The following ITSN1 variants were observed in gnomAD, a reference collection of about 807,000 sequenced individuals.
ITSN1 encodes the protein intersectin 1, also known as intersectin-1.
ITSN1 carries 58 observed loss-of-function variants against 239.8 expected under a neutral mutation model. The ratio of observed to expected loss-of-function variants is 0.24; its 90% CI spans 0.20 to 0.30. ITSN1 has a LOEUF of 0.30. ITSN1 is among the 10% of genes least tolerant of loss of function. The probability of loss-of-function intolerance (pLI) is 1.00; values close to 1 mark genes in which losing one functional copy is unlikely to be tolerated. For synonymous variants in ITSN1, 780 were observed against 770.8 expected (o/e 1.01, Z -0.20); for missense variants, 1,558 against 2,103.3 (o/e 0.74, Z 5.07).
At chr21:33,829,397 T>A in intron 26 of ITSN1, 1 of 543,060 alleles carries the variant, frequency 1.8e-6, no homozygotes, top group Non-Finnish European at 3.3e-6. Flanking sequence ...CAAGGGAGTC[T>A]GCAGCCCACT....
intron 36 of ITSN1, 118 bp from the exon 37 acceptor site, chr21:33,884,923 C>G (rs1214112300): frequency 1.4e-6 from 1 of 716,404 alleles, no homozygotes; most frequent in Non-Finnish European, 2.4e-6. Flanking sequence ...CTTTCCCGAG[C>G]CTTTGTTGTT....
At chr21:33,801,070 C>T (rs1315620170) in intron 19 of ITSN1, among the ~76,000 whole-genome samples, 8 of 151,534 alleles carry the variant, frequency 5.3e-5, no homozygotes, top group Admixed American at 5.3e-4. Context: ...AGGGTTTCTC[C>T]GTGTTGCCCA....
At chr21:33,876,149 CTT>C (rs202211741) in intron 34 of ITSN1, among the ~76,000 whole-genome samples, 5,635 of 26,504 alleles carry the variant, frequency 0.21, 242 homozygotes, top group African/African-American at 0.4. Context: ...TTCTTTCTTT[CTT>C]TCTCTCTCTC....
intron 27 of ITSN1, among the ~76,000 whole-genome samples, chr21:33,831,284 G>C (rs537084162): frequency 6.6e-6 from 1 of 152,188 alleles, no homozygotes; most frequent in Non-Finnish European, 1.5e-5. Context: ...TCCAGCAGCC[G>C]TCCGTCTCTC....
chr21:33,730,703 TTTTTTG>T (rs2066128135), intron 4 of ITSN1, among the ~76,000 whole-genome samples: 1 of 136,910 alleles, frequency 7.3e-6, no homozygotes, highest in Non-Finnish European at 1.6e-5. Context: ...CCCAGCCTGT[TTTTTTG>T]TTTTTGTTTT....
Position 33,794,328 on chromosome 21 carries a change from C to A in ITSN1, c.1825-13C>A. On this transcript the variant is annotated splice_polypyrimidine_tract_variant and intron_variant, in intron 16 of 39. Coordinates refer to ENST00000381318, the MANE Select transcript of ITSN1 (RefSeq NM_003024.3). ...TCATGTCGCTACATGAACTGTTTCT[C>A]GGTTAATTATAGGAACTAAGAGAAA... 6.3e-7 allele frequency: 1 copy of A among 1,599,126 alleles called. No homozygotes were observed. The highest frequency in any genetic ancestry group is 1.1e-5 in the South Asian group (1 of 89,144).
At chr21:33,863,079 C>T (rs1427072142) in intron 31 of ITSN1, among the ~76,000 whole-genome samples, 2 of 152,196 alleles carry the variant, frequency 1.3e-5, no homozygotes, top group East Asian at 1.9e-4. Context: ...CTGCAGCAGC[C>T]GAGTCACATG....
chr21:33,717,244 T>C (rs573904667), intron 1 of ITSN1, among the ~76,000 whole-genome samples: 1 of 152,022 alleles, frequency 6.6e-6, no homozygotes, highest in Admixed American at 6.6e-5. Flanking sequence ...TTGCTCAGGC[T>C]GGAGTACAGT....
Position 33,882,561 on chromosome 21 carries a change from C to A in ITSN1, c.4554+106C>A. 1.1e-6 allele frequency: 1 copy of A among 894,392 alleles called. No individual in the cohort carries two copies. Among genetic ancestry groups the A allele is most frequent in the African/African-American group, 1.7e-5 (1 of 59,590 alleles). The allele number at this position is 894,392 out of a possible 1,614,324, so 55.4% of individuals were successfully genotyped here. ...TAGCAGGGTCAGGGGCTGTGGCATGCAGGAGAAGGCCAGGAGTTGAAATGC... is the reference window on the plus strand; with the variant it reads ...TAGCAGGGTCAGGGGCTGTGGCATGAAGGAGAAGGCCAGGAGTTGAAATGC... On this transcript the variant is annotated intron_variant, in intron 35 of 39. Coordinates refer to ENST00000381318, the MANE Select transcript of ITSN1 (RefSeq NM_003024.3). This position sits in a 1 kb window ranked among gnomAD's most constrained non-coding sequence, Gnocchi z 4.5.
rs115763810 is a variant in ITSN1 at position 33,711,174 on chromosome 21, T to C, written c.-32-7623T>C. Among the ~76,000 whole-genome samples the C allele has an allele frequency of 1.7e-3, 265 of 152,270 alleles. 2 individuals are homozygous for C. Among genetic ancestry groups the C allele is most frequent in the African/African-American group, 6.1e-3 (255 of 41,560 alleles). On this transcript the variant is annotated intron_variant, in intron 1 of 39. Transcript: ENST00000381318. ...TAAGCTTTATTTTCCAAGAAATTTG[T>C]TTCTTTTATCTACACTGTCAAATTT...
chr21:33,886,683 T>G (rs555828858), intron 39 of ITSN1, among the ~76,000 whole-genome samples: 1 of 152,314 alleles, frequency 6.6e-6, no homozygotes, highest in South Asian at 2.1e-4. Context: ...TTGTGCCAGC[T>G]GCCCTGGGCA....
chr21:33,774,459 TA>T, intron 12 of ITSN1: 1 of 274,982 alleles, frequency 3.6e-6, no homozygotes, highest in Non-Finnish European at 6.8e-6. Context: ...CTTGAAGGCA[TA>T]AAGAATGGAA....
At chr21:33,840,892 G>A (rs146108583) in intron 29 of ITSN1, among the ~76,000 whole-genome samples, 21 of 152,310 alleles carry the variant, frequency 1.4e-4, no homozygotes, top group African/African-American at 4.8e-4. Context: ...GTACAGTTTT[G>A]CTCCAGTAGC....
At chr21:33,746,741 C>T (rs1044196732) in intron 5 of ITSN1, among the ~76,000 whole-genome samples, 7 of 151,930 alleles carry the variant, frequency 4.6e-5, no homozygotes, top group African/African-American at 1.7e-4. Flanking sequence ...ATGTGGGAGG[C>T]TGAAGCAGGA....
intron 34 of ITSN1, among the ~76,000 whole-genome samples, chr21:33,875,802 T>C (rs1983639185): frequency 6.6e-6 from 1 of 152,180 alleles, no homozygotes; most frequent in East Asian, 1.9e-4. Flanking sequence ...TGCCTCAGCC[T>C]CCTGAATAGC....
intron 16 of ITSN1, among the ~76,000 whole-genome samples, chr21:33,784,310 A>AC (rs2070450206): frequency 2.2e-5 from 3 of 134,110 alleles, no homozygotes; most frequent in African/African-American, 8.5e-5. Context: ...GTCTCTACAA[A>AC]ACACACACAC....
chr21:33,868,356 C>G (rs776107328), intron 33 of ITSN1, among the ~76,000 whole-genome samples: 63 of 152,332 alleles, frequency 4.1e-4, no homozygotes, highest in Admixed American at 3.0e-3. Context: ...GACTGGGCGC[C>G]GTGGAGCAGG....
At chr21:33,763,561 GATA>G (rs1203160350) in intron 9 of ITSN1, among the ~76,000 whole-genome samples, 1 of 152,138 alleles carries the variant, frequency 6.6e-6, no homozygotes, top group Non-Finnish European at 1.5e-5. Context: ...TCCAGACTTT[GATA>G]GATGTGCCTT....
intron 5 of ITSN1, among the ~76,000 whole-genome samples, chr21:33,740,801 A>G (rs1213773371): frequency 1.3e-5 from 2 of 152,312 alleles, no homozygotes; most frequent in East Asian, 3.9e-4. Context: ...ACGGTGGCTC[A>G]TGCCTGTAAT....
Sources: allele counts gnomAD v4.1 joint callset (sites outside exome capture counted in the v4.1 genomes callset), GRCh38; gene constraint gnomAD v4.1.1; non-coding constraint Gnocchi (gnomAD v3.1); transcripts MANE v1.5; gene names NCBI Gene and HGNC (gene_info 2026-07-23, HGNC 2026-07-21).